ERICH6B: variants seen among roughly 807,000 people sequenced by gnomAD.
ERICH6B encodes glutamate-rich protein 6B.
ERICH6B carries 69 observed loss-of-function variants against 80.0 expected under a neutral mutation model. The ratio of observed to expected loss-of-function variants is 0.86; its 90% confidence interval spans 0.71 to 1.05. The LOEUF is 1.05. Among genes scored for constraint, ERICH6B ranks in the 50% least tolerant of loss-of-function variants. The pLI is 0.00. For synonymous variants in ERICH6B, 283 were observed against 291.9 expected, an observed-to-expected ratio of 0.97 and a Z score of 0.31; for missense variants, 754 against 796.1, an observed-to-expected ratio of 0.95 and a Z score of 0.64.
At chr13:45,558,992 T>A (rs1874554219) in intron 11 of ERICH6B, among the ~76,000 whole-genome samples, 1 of 152,206 alleles carries the variant, frequency 6.6e-6, no homozygotes, top group South Asian at 2.1e-4. Flanking sequence ...TGTGGAATAG[T>A]GTCAATAGGA....
chr13:45,580,723 G>T, intron 5 of ERICH6B, 58 bp from the exon 6 acceptor site: 1 of 1,498,072 alleles, frequency 6.7e-7, no homozygotes, highest in Non-Finnish European at 9.1e-7. Flanking sequence ...TTTTCCAGTG[G>T]GTTCATACTG....
At chr13:45,550,646 G>A (rs886707101) in intron 11 of ERICH6B, among the ~76,000 whole-genome samples, 1 of 152,174 alleles carries the variant, frequency 6.6e-6, no homozygotes, top group African/African-American at 2.4e-5. Context: ...GTGGAGGCTG[G>A]AAGTCTGAAA....
intron 7 of ERICH6B, among the ~76,000 whole-genome samples, chr13:45,575,675 C>T (rs568235167): frequency 5.8e-4 from 88 of 152,084 alleles, no homozygotes; most frequent in Non-Finnish European, 9.3e-4. Flanking sequence ...GATGAATCCC[C>T]GAGCCAGTGA....
At chr13:45,615,191 G>GAGGT (rs917258280) in intron 1 of ERICH6B, among the ~76,000 whole-genome samples, 1 of 151,978 alleles carries the variant, frequency 6.6e-6, no homozygotes, top group Non-Finnish European at 1.5e-5. Context: ...CCACATTAGA[G>GAGGT]AGGTAGGGGA....
chr13:45,582,654 T>C (rs1875723247), intron 5 of ERICH6B, among the ~76,000 whole-genome samples: 1 of 152,210 alleles, frequency 6.6e-6, no homozygotes, highest in Non-Finnish European at 1.5e-5. Flanking sequence ...TCCACGGCTC[T>C]CTGCTGGAAA....
At chr13:45,543,496 G>C (rs941805884) in intron 14 of ERICH6B, among the ~76,000 whole-genome samples, 4 of 152,170 alleles carry the variant, frequency 2.6e-5, no homozygotes, top group Admixed American at 2.6e-4. Context: ...AAAAAGACGA[G>C]GTTTGACACA....
intron 3 of ERICH6B, among the ~76,000 whole-genome samples, chr13:45,594,928 G>A (rs1164970115): frequency 6.6e-6 from 1 of 152,146 alleles, no homozygotes; most frequent in African/African-American, 2.4e-5. Context: ...ACACTGCAGG[G>A]GCATATGAGC....
Position 45,544,763 on chromosome 13 carries a change from G to T in ERICH6B, c.1869C>A (p.Tyr623Ter). 1 of 1,551,280 alleles carries T rather than the reference G, an allele frequency of 6.4e-7. No individual in the cohort carries two copies. Among genetic ancestry groups the T allele is most frequent in the Non-Finnish European group, 8.7e-7 (1 of 1,146,624 alleles). ...KQICLNLGTR[Y>*]KFVIPEVLSE... ...GTATGGGGAGTTGTGACCTTACCTT[G>T]TACCTGGTGCCCAGGTTTAAACAAA... The change falls in exon 14 of 15, where the codon TAC (tyrosine) becomes TAA (stop). Residue 623 changes from tyrosine to a stop codon, truncating the protein, a stop_gained. Transcript: ENST00000298738. LOFTEE classifies it low-confidence loss of function (END_TRUNC).
chr13:45,585,707 C>T (rs1160794658), intron 5 of ERICH6B, among the ~76,000 whole-genome samples: 1 of 152,208 alleles, frequency 6.6e-6, no homozygotes, highest in Non-Finnish European at 1.5e-5. Context: ...CAGACTTTTA[C>T]TAAACACTCA....
At chr13:45,579,496 C>T (rs183796565) in intron 7 of ERICH6B, among the ~76,000 whole-genome samples, 10 of 152,254 alleles carry the variant, frequency 6.6e-5, no homozygotes, top group Non-Finnish European at 1.0e-4. Context: ...TAGGATTCAA[C>T]CAGCCCCCTC....
chr13:45,590,087 G>A (rs1263701306), intron 4 of ERICH6B, among the ~76,000 whole-genome samples: 1 of 152,034 alleles, frequency 6.6e-6, no homozygotes, highest in Non-Finnish European at 1.5e-5. Flanking sequence ...GAAAGTGTAG[G>A]GGACAAGACA....
chr13:45,588,231 T>G (rs1211864427), intron 4 of ERICH6B, among the ~76,000 whole-genome samples: 1 of 152,112 alleles, frequency 6.6e-6, no homozygotes, highest in Non-Finnish European at 1.5e-5. Context: ...CACAGGTGGG[T>G]GCCCTGGGAA....
intron 6 of ERICH6B, 109 bp downstream of exon 6, chr13:45,580,494 C>T (rs554783748): frequency 3.4e-6 from 4 of 1,160,234 alleles, no homozygotes; most frequent in East Asian, 5.2e-5. Context: ...TCTAAAATGG[C>T]CAACAGCATG....
rs747372921 is a variant in ERICH6B at position 45,587,159 on chromosome 13, C to T, written c.760G>A (p.Val254Ile). The part of the protein sequence containing the change: ...VPLTFATPSP[V>I]SESATESSEL... ...GAAGACTCTGTGGCAGATTCAGAGA[C>T]AGGAGAAGGGGTAGCGAAAGTCAAC... is the stretch of plus-strand genomic sequence containing the variant. The change falls in exon 5 of 15, where the codon GTC (valine) becomes ATC (isoleucine). Residue 254 changes from valine (V) to isoleucine (I), a missense_variant. Coordinates refer to ENST00000298738, the MANE Select transcript of ERICH6B (RefSeq NM_182542.3). 3 of 1,551,602 alleles carry T rather than the reference C, an allele frequency of 1.9e-6. No homozygotes were observed. The highest frequency in any genetic ancestry group is 2.4e-5 in the South Asian group (2 of 84,052).
At chr13:45,557,783 G>C (rs1222926015) in intron 11 of ERICH6B, among the ~76,000 whole-genome samples, 1 of 152,134 alleles carries the variant, frequency 6.6e-6, no homozygotes, top group South Asian at 2.1e-4. Flanking sequence ...CTGTTCCATT[G>C]GTCTATGTGC....
At chr13:45,603,250 C>T (rs1949837477) in intron 2 of ERICH6B, among the ~76,000 whole-genome samples, 1 of 152,232 alleles carries the variant, frequency 6.6e-6, no homozygotes, top group African/African-American at 2.4e-5. Context: ...ATCTTCTTTA[C>T]CTACTCCACC....
intron 11 of ERICH6B, among the ~76,000 whole-genome samples, chr13:45,551,278 T>C (rs1490708419): frequency 6.6e-6 from 1 of 152,234 alleles, no homozygotes; most frequent in African/African-American, 2.4e-5. Flanking sequence ...TTTCTTTGTT[T>C]TATAGTTTAT....
chr13:45,557,045 A>G (rs1161843538), intron 11 of ERICH6B, among the ~76,000 whole-genome samples: 1 of 152,170 alleles, frequency 6.6e-6, no homozygotes, highest in Admixed American at 6.5e-5. Flanking sequence ...ACTAGTTTAC[A>G]TTCCCCCCAG....
intron 9 of ERICH6B, among the ~76,000 whole-genome samples, chr13:45,567,757 C>T (rs980505604): frequency 6.6e-6 from 1 of 152,244 alleles, no homozygotes; most frequent in African/African-American, 2.4e-5. Flanking sequence ...GCCTTGCCAG[C>T]TAGAAAGACC....
Sources: gnomAD v4.1 joint callset for allele counts (sites outside exome capture counted in the v4.1 genomes callset) on GRCh38, gnomAD v4.1.1 for gene constraint, MANE v1.5 for transcripts, NCBI Gene and HGNC (gene_info 2026-07-23, HGNC 2026-07-21) for gene names.